Variants in DISC1 observed in about 807,000 individuals in gnomAD.
The protein encoded by DISC1 is DISC1 scaffold protein, also known as disrupted in schizophrenia 1 protein.
DISC1 carries 57 observed loss-of-function variants against 84.5 expected under a neutral mutation model. That is an observed-to-expected ratio of 0.67 (90% CI 0.55 to 0.84). DISC1 has a LOEUF of 0.84. Ranked by LOEUF, DISC1 falls within the 40% of genes least tolerant of loss-of-function variation. DISC1 has a pLI of 0.00. For synonymous variants in DISC1, 411 were observed against 415.2 expected (o/e 0.99, Z 0.12); for missense variants, 1,000 against 1,057.8 (o/e 0.95, Z 0.76).
At chr1:231,789,233 A>C (rs924742984) in intron 6 of DISC1, among the ~76,000 whole-genome samples, 2 of 152,142 alleles carry the variant, frequency 1.3e-5, no homozygotes, top group African/African-American at 2.4e-5. Flanking sequence ...TTGGCCCATT[A>C]TGTGTGCTGG....
chr1:231,673,385 G>A (rs1197487969), intron 1 of DISC1, among the ~76,000 whole-genome samples: 2 of 151,930 alleles, frequency 1.3e-5, no homozygotes, highest in African/African-American at 4.8e-5. Flanking sequence ...CTATTCATAG[G>A]TTTATCATAA....
rs560782089 is a variant in DISC1, at chr1:231,979,244, T to G, written c.2042+20356T>G. ...CATTATGGTGAGTTGTATAATTGTT[T>G]TATTAAATATTATAATATAATAGAA... is the stretch of plus-strand genomic sequence containing the variant. On this transcript the variant is annotated intron_variant, in intron 10 of 12. Transcript: ENST00000439617. Among the ~76,000 whole-genome samples the G allele has an allele frequency of 3.3e-5, 5 of 152,160 alleles. No homozygotes were observed. In the East Asian group the frequency reaches 9.6e-4, roughly 29 times the overall value.
intron 6 of DISC1, among the ~76,000 whole-genome samples, chr1:231,790,024 A>C (rs2078206864): frequency 6.6e-6 from 1 of 152,220 alleles, no homozygotes; most frequent in Non-Finnish European, 1.5e-5. Context: ...TAGAGCCACC[A>C]TTCATAATAC....
At chr1:231,818,959 G>T in intron 9 of DISC1, 1 of 999,406 alleles carries the variant, frequency 1.0e-6, no homozygotes, top group South Asian at 4.4e-5. Flanking sequence ...ACTTTTCTGA[G>T]AGCTTCTTTC....
At chr1:231,750,448 T>G (rs763324965) in intron 4 of DISC1, 1 of 1,012,332 alleles carries the variant, frequency 9.9e-7, no homozygotes, top group Non-Finnish European at 1.2e-6. Context: ...GATGGTCCCC[T>G]CTGACCGAGC....
chr1:231,686,197 G>A (rs752997301), intron 1 of DISC1, among the ~76,000 whole-genome samples: 1 of 152,170 alleles, frequency 6.6e-6, no homozygotes, highest in Non-Finnish European at 1.5e-5. Flanking sequence ...GAGGATGGTG[G>A]CCCTCTTCTC....
intron 11 of DISC1, among the ~76,000 whole-genome samples, chr1:232,016,671 T>C (rs1668518228): frequency 6.6e-6 from 1 of 151,972 alleles, no homozygotes; most frequent in Non-Finnish European, 1.5e-5. Flanking sequence ...CAATTTCTTC[T>C]TCTAACAATT....
chr1:232,025,597 C>CTT (rs35161490), intron 11 of DISC1, among the ~76,000 whole-genome samples: 9 of 132,480 alleles, frequency 6.8e-5, no homozygotes, highest in African/African-American at 1.4e-4. Flanking sequence ...TCATCCTGCT[C>CTT]TTTTTTTTTT....
intron 9 of DISC1, among the ~76,000 whole-genome samples, chr1:231,900,828 G>C (rs2088114201): frequency 6.6e-6 from 1 of 152,176 alleles, no homozygotes; most frequent in Non-Finnish European, 1.5e-5. Context: ...ATAATATTCA[G>C]ACTAGTTTCA....
intron 9 of DISC1, among the ~76,000 whole-genome samples, chr1:231,925,097 A>G (rs140061214): frequency 6.6e-6 from 1 of 151,962 alleles, no homozygotes; most frequent in Non-Finnish European, 1.5e-5. Flanking sequence ...TTATGGTGCT[A>G]CTGAGGGACT....
chr1:231,722,463 C>T, intron 3 of DISC1: 1 of 1,604,382 alleles, frequency 6.2e-7, no homozygotes, highest in South Asian at 1.1e-5. Flanking sequence ...CACAGTGCTT[C>T]AAATACTGTT....
intron 1 of DISC1, among the ~76,000 whole-genome samples, chr1:231,680,783 A>G (rs2063610131): frequency 6.6e-6 from 1 of 152,262 alleles, no homozygotes; most frequent in Non-Finnish European, 1.5e-5. Context: ...CATTTTAAAA[A>G]TAAACACTTA....
chr1:231,835,319 C>T (rs1376342127), intron 9 of DISC1, among the ~76,000 whole-genome samples: 1 of 152,072 alleles, frequency 6.6e-6, no homozygotes, highest in African/African-American at 2.4e-5. Flanking sequence ...TGCAAGCGGG[C>T]TGAGTCCGAA....
intron 9 of DISC1, among the ~76,000 whole-genome samples, chr1:231,912,071 G>A (rs892933651): frequency 6.6e-6 from 1 of 152,014 alleles, no homozygotes; most frequent in African/African-American, 2.4e-5. Context: ...TTAGCCATTC[G>A]TCTAATGTTT....
intron 9 of DISC1, among the ~76,000 whole-genome samples, chr1:231,939,227 A>G (rs872625): frequency 0.31 from 47,597 of 152,142 alleles, 8,403 homozygotes; most frequent in East Asian, 0.72. Flanking sequence ...TGCTCTAAGC[A>G]TTTTTACAAA....
intron 10 of DISC1, among the ~76,000 whole-genome samples, chr1:231,976,380 G>A (rs1213846550): frequency 6.6e-6 from 1 of 152,180 alleles, no homozygotes; most frequent in Non-Finnish European, 1.5e-5. Context: ...GTGAAGGAAT[G>A]GGGCACAGAA....
chr1:231,968,735 A>C lies in DISC1; in HGVS notation c.2042+9847A>C, dbSNP rs55952964. Among the ~76,000 whole-genome samples the C allele has an allele frequency of 3.8e-3, 584 of 152,090 alleles. 2 individuals are homozygous for C. Among genetic ancestry groups the C allele is most frequent in the Non-Finnish European group, 6.0e-3 (410 of 67,988 alleles). ...CGCCAACTCCCTGTGGTCGATCTGG[A>C]AGCTTCATCTAGGGAGGGGCTCATG... On this transcript the variant is annotated intron_variant, in intron 10 of 12. Coordinates refer to ENST00000439617, the MANE Select transcript of DISC1 (RefSeq NM_018662.3).
intron 9 of DISC1, among the ~76,000 whole-genome samples, chr1:231,868,708 ATATATAT>A (rs1315432648): frequency 1.6e-5 from 1 of 62,700 alleles, no homozygotes; most frequent in African/African-American, 1.1e-4. Context: ...ATATATATAT[ATATATAT>A]ATATATATAT....
At chr1:231,998,361 C>T (rs907098405) in intron 10 of DISC1, among the ~76,000 whole-genome samples, 18 of 151,752 alleles carry the variant, frequency 1.2e-4, no homozygotes, top group East Asian at 3.9e-4. Flanking sequence ...GATTGAGAAC[C>T]GCCCAGAAAA....
Sources: gnomAD v4.1 joint callset for allele counts (sites outside exome capture counted in the v4.1 genomes callset) on GRCh38, gnomAD v4.1.1 for gene constraint, MANE v1.5 for transcripts, NCBI Gene and HGNC (gene_info 2026-07-23, HGNC 2026-07-21) for gene names.